The following TRPC4AP variants were observed in gnomAD, a reference collection of about 807,000 sequenced individuals.
TRPC4AP encodes short transient receptor potential channel 4-associated protein.
TRPC4AP carries 45 observed loss-of-function variants against 99.0 expected under a neutral mutation model. That is an observed-to-expected ratio of 0.45 (90% CI 0.36 to 0.58). The LOEUF is 0.58. TRPC4AP is among the 20% of genes least tolerant of loss of function. The pLI, the probability that TRPC4AP is intolerant of heterozygous loss-of-function variation, is 0.00. For missense variants in TRPC4AP, 879 were observed against 985.3 expected, an observed-to-expected ratio of 0.89 and a Z score of 1.44; for synonymous variants, 408 against 385.8, an observed-to-expected ratio of 1.06 and a Z score of -0.67.
intron 8 of TRPC4AP, among the ~76,000 whole-genome samples, chr20:35,025,236 CA>C (rs1569097387): frequency 1.3e-5 from 2 of 152,168 alleles, no homozygotes; most frequent in Admixed American, 1.3e-4. Context: ...TACTTAAGTG[CA>C]GTGGCAGGAT....
chr20:35,031,192 C>A (rs2083183593), intron 8 of TRPC4AP, among the ~76,000 whole-genome samples: 1 of 151,868 alleles, frequency 6.6e-6, no homozygotes, highest in African/African-American at 2.4e-5. Context: ...CATGATGAGC[C>A]ATTTTTCTCT....
rs35372826 is a variant in TRPC4AP at position 35,029,628 on chromosome 20, C to CTTTTTTTTTT, written c.1051+5485_1051+5494dup. ...TTTACTATATTTCCCAAGTTACTTT[C>CTTTTTTTTTT]TTTTTTTTTTTTTTTTTTTTTTTTT... On this transcript the variant is annotated intron_variant, in intron 8 of 18. Transcript: ENST00000252015. Among the ~76,000 whole-genome samples the CTTTTTTTTTT allele has an allele frequency of 3.3e-4, 13 of 39,394 alleles. 1 individual carries two copies. The highest frequency in any genetic ancestry group is 1.6e-3 in the East Asian group (2 of 1,222). The allele number at this position is 39,394 out of a possible 152,430, so 25.8% of individuals were successfully genotyped here. A position where few individuals can be genotyped will look rare whatever the true frequency, so the allele number is the denominator to read the frequency against.
intron 8 of TRPC4AP, 78 bp from the exon 9 acceptor site, chr20:35,021,434 C>G (rs893215840): frequency 6.6e-7 from 1 of 1,522,644 alleles, no homozygotes; most frequent in Non-Finnish European, 8.9e-7. Flanking sequence ...CTGCTCTGAA[C>G]AGACTTGTAG....
intron 1 of TRPC4AP, among the ~76,000 whole-genome samples, chr20:35,084,989 G>A (rs1384659026): frequency 6.6e-6 from 1 of 152,104 alleles, no homozygotes; most frequent in African/African-American, 2.4e-5. Context: ...AGAAGGAATC[G>A]AATGTGTGAA....
At chr20:35,056,214 G>A (rs186565747) in intron 4 of TRPC4AP, among the ~76,000 whole-genome samples, 1 of 152,190 alleles carries the variant, frequency 6.6e-6, no homozygotes, top group African/African-American at 2.4e-5. Flanking sequence ...GTGAAACACT[G>A]CTCTGCATGT....
At chr20:35,015,116 C>T (rs141611450) in intron 10 of TRPC4AP, among the ~76,000 whole-genome samples, 2,133 of 152,124 alleles carry the variant, frequency 0.014, 68 homozygotes, top group African/African-American at 0.049. Context: ...TCTCCCACCT[C>T]AGCCTCCTGA....
rs17092208 is a variant in TRPC4AP, at chr20:35,003,227, C to T, written c.2313G>A (p.Pro771=). ...CGAGAGCAGAGGGTGACTGCCGGTCCGGGTTCAACAGGATGGACACTGTCT... is the reference window on the plus strand; with the variant it reads ...CGAGAGCAGAGGGTGACTGCCGGTCTGGGTTCAACAGGATGGACACTGTCT... ...WKETVSILLN[P]DRQSPSALVS... Residue 771 remains proline (P), a synonymous_variant, in exon 19 of 19, where the codon CCG becomes CCA. Coordinates refer to ENST00000252015, the MANE Select transcript of TRPC4AP (RefSeq NM_015638.3). 13,380 of 1,614,184 alleles carry T rather than the reference C, an allele frequency of 8.3e-3. 925 individuals carry two copies. The African/African-American group carries it at 0.16, about 19-fold the overall frequency.
intron 7 of TRPC4AP, among the ~76,000 whole-genome samples, chr20:35,036,242 G>A (rs1198609156): frequency 1.3e-5 from 2 of 152,238 alleles, no homozygotes; most frequent in African/African-American, 4.8e-5. Flanking sequence ...ATGTTTGCCT[G>A]TATATGCATT....
chr20:35,021,135 G>T (rs1195553596), intron 9 of TRPC4AP, 55 bp downstream of exon 9: 3 of 1,577,314 alleles, frequency 1.9e-6, no homozygotes, highest in South Asian at 1.1e-5. Context: ...GGCATACCAT[G>T]AGCACCCGGG....
In TRPC4AP at chr20:35,058,071, C is replaced by T. The variant is rs549548236; in HGVS notation, c.415-500G>A. Among the ~76,000 whole-genome samples the T allele has an allele frequency of 4.6e-5, 7 of 151,936 alleles. No individual in the cohort carries two copies. In the East Asian group the frequency reaches 5.8e-4, roughly 13 times the overall value. The stretch of plus-strand genomic sequence containing the variant: ...AGCATGTATTTAAAAATTCATTCTA[C>T]GGAGAGAAAGGATAGTTGATAAAAG... On this transcript the variant is annotated intron_variant, in intron 3 of 18. Transcript: ENST00000252015.
intron 1 of TRPC4AP, among the ~76,000 whole-genome samples, chr20:35,083,744 A>T (rs1039863028): frequency 7.3e-5 from 11 of 151,680 alleles, no homozygotes; most frequent in Admixed American, 5.3e-4. Flanking sequence ...CCTCCCATGT[A>T]CTCTTTCTTG....
intron 8 of TRPC4AP, among the ~76,000 whole-genome samples, chr20:35,023,969 AT>A (rs2082953597): frequency 6.6e-6 from 1 of 152,226 alleles, no homozygotes; most frequent in Admixed American, 6.5e-5. Context: ...CTCCAAAGCA[AT>A]GGCCAGAGCT....
intron 9 of TRPC4AP, among the ~76,000 whole-genome samples, chr20:35,019,979 A>AC (rs2082849458): frequency 6.6e-6 from 1 of 151,678 alleles, no homozygotes; most frequent in South Asian, 2.1e-4. Flanking sequence ...CTGCTCCTCC[A>AC]CCCCTTACCT....
At chr20:35,006,241 G>C (rs1453785368) in intron 15 of TRPC4AP, among the ~76,000 whole-genome samples, 194 bp downstream of exon 15, 1 of 151,926 alleles carries the variant, frequency 6.6e-6, no homozygotes, top group Admixed American at 6.6e-5. Flanking sequence ...AAGCAGCCCC[G>C]GTTTTCATCC....
At chr20:35,089,730 T>C (rs2084990748) in intron 1 of TRPC4AP, among the ~76,000 whole-genome samples, 1 of 151,982 alleles carries the variant, frequency 6.6e-6, no homozygotes, top group African/African-American at 2.4e-5. Context: ...ACGACTGTAA[T>C]CCCAGCTACT....
At chr20:35,021,142 C>G in intron 9 of TRPC4AP, 48 bp downstream of exon 9, 1 of 1,584,934 alleles carries the variant, frequency 6.3e-7, no homozygotes, top group Non-Finnish European at 8.6e-7. Context: ...CATGAGCACC[C>G]GGGCAGCACC....
Position 35,016,489 on chromosome 20 carries a change from T to C in TRPC4AP, c.1219-350A>G, listed in dbSNP as rs916126745. The stretch of plus-strand genomic sequence containing the variant: ...TCTTAGCTTTACCATGTGCAAACTT[T>C]GTAACCTTAAACAAATTCCTTAAGA... On this transcript the variant is annotated intron_variant, in intron 9 of 18. Coordinates refer to ENST00000252015, the MANE Select transcript of TRPC4AP (RefSeq NM_015638.3). 2.0e-5 allele frequency among the ~76,000 whole-genome samples: 3 copies of C among 152,238 alleles called. No homozygotes were observed. In the South Asian group the frequency reaches 6.2e-4, roughly 31 times the overall value.
intron 8 of TRPC4AP, among the ~76,000 whole-genome samples, chr20:35,025,685 C>T (rs889122297): frequency 2.6e-5 from 4 of 151,972 alleles, no homozygotes; most frequent in Non-Finnish European, 4.4e-5. Flanking sequence ...AAAGATGTCC[C>T]ACCCTGCCTT....
At chr20:35,020,668 T>C (rs1332911088) in intron 9 of TRPC4AP, among the ~76,000 whole-genome samples, 3 of 152,142 alleles carry the variant, frequency 2.0e-5, no homozygotes, top group Admixed American at 1.3e-4. Context: ...TACTTCTCAA[T>C]AGTCTTGAGG....
Sources: allele counts gnomAD v4.1 joint callset (sites outside exome capture counted in the v4.1 genomes callset), GRCh38; gene constraint gnomAD v4.1.1; transcripts MANE v1.5; gene names NCBI Gene and HGNC (gene_info 2026-07-23, HGNC 2026-07-21).